RALGDS: variants seen among roughly 807,000 people sequenced by gnomAD.
The protein encoded by RALGDS is ral guanine nucleotide dissociation stimulator, also known as ral guanine nucleotide exchange factor.
In RALGDS, 44 loss-of-function variants were observed where a neutral mutation model predicts 99.8. The observed-to-expected ratio is 0.44, with a 90% CI of 0.35 to 0.57. The LOEUF (loss-of-function observed/expected upper bound fraction) is 0.57, where lower values mean the gene tolerates loss of function less well. Among genes scored for constraint, RALGDS ranks in the 20% least tolerant of loss-of-function variants. The pLI is 0.01. For missense variants in RALGDS, 1,022 were observed against 1,203.1 expected (o/e 0.85, Z 2.23); for synonymous variants, 529 against 505.0 (o/e 1.05, Z -0.64).
At chr9:133,133,524 A>C (rs938795085), upstream of RALGDS, among the ~76,000 whole-genome samples, 107 of 152,318 alleles carry the variant, frequency 7.0e-4, 1 homozygote, top group East Asian at 2.7e-3. Context: ...GCCTGGAACG[A>C]AGACTGCCAT....
In RALGDS at chr9:133,102,504, T is replaced by C; in HGVS notation, c.1981A>G (p.Asn661Asp). Residue 661 changes from asparagine (N) to aspartate (D), a missense_variant, in exon 14 of 18, where the codon AAC (asparagine) becomes GAC (aspartate). Physicochemically the swap from Asn to Asp is conservative, Grantham distance 23. Around this residue, in one of 3 missense-constraint regions of RALGDS, gnomAD observed 825 missense variants for 994.5 expected, o/e 0.83. Coordinates refer to ENST00000372050, the MANE Select transcript of RALGDS (RefSeq NM_006266.4). ...SASNTLRTKK[N>D]TAIVKRWSDR... Reference sequence around the variant, plus strand: ...CTCCAGCGCTTGACAATGGCTGTGTTCTTCTTGGTCCTGAGGGTGTTGCTG... The same window carrying C: ...CTCCAGCGCTTGACAATGGCTGTGTCCTTCTTGGTCCTGAGGGTGTTGCTG... The C allele has an allele frequency of 6.2e-7, 1 of 1,614,096 alleles. No individual in the cohort carries two copies.
intron 16 of RALGDS, chr9:133,100,590 T>C: frequency 1.4e-6 from 2 of 1,438,242 alleles, no homozygotes; most frequent in Non-Finnish European, 1.8e-6. Context: ...ATGTGAGGCC[T>C]CCATGGAATG....
Position 133,144,076 on chromosome 9 carries a change from G to C in RALGDS, c.18+4887C>G, listed in dbSNP as rs1270277069. ...GGTCTGGGGCTGGGGTTGGGGGGAAGGACCCCTCAAGTCTCTATCTGCACA... is the reference window on the plus strand; with the variant it reads ...GGTCTGGGGCTGGGGTTGGGGGGAACGACCCCTCAAGTCTCTATCTGCACA... On this transcript the variant is annotated intron_variant, in intron 1 of 17. Coordinates refer to the RALGDS transcript ENST00000393160. This position sits in a 1 kb window ranked among gnomAD's most constrained non-coding sequence, Gnocchi z 4.5. 6.6e-6 allele frequency among the ~76,000 whole-genome samples: 1 copy of C among 152,116 alleles called. No homozygotes were observed. Among genetic ancestry groups the C allele is most frequent in the African/African-American group, 2.4e-5 (1 of 41,420 alleles).
intron 10 of RALGDS, 25 bp downstream of exon 10, chr9:133,104,238 C>T (rs1830907676): frequency 6.2e-7 from 1 of 1,602,828 alleles, no homozygotes; most frequent in Non-Finnish European, 8.5e-7. Context: ...GCCCCCTGCC[C>T]CTCCGCGGCC....
At chr9:133,148,925 C>T (rs1454523619) in intron 1 of RALGDS, 1 of 1,598,592 alleles carries the variant, frequency 6.3e-7, no homozygotes, top group East Asian at 2.3e-5. Context: ...GGTCCTCCCT[C>T]CACCCGCGAC....
rs150965606 is a variant in RALGDS at position 133,115,173 on chromosome 9, C to T, written c.184-3021G>A. On this transcript the variant is annotated intron_variant, in intron 1 of 17. Coordinates refer to ENST00000372050, the MANE Select transcript of RALGDS (RefSeq NM_006266.4). ...CCTGCCATCTCCCCGCTCAGGCCAACGGCACCTCCTCCCAGCATCAGCCTT... is the reference window on the plus strand; with the variant it reads ...CCTGCCATCTCCCCGCTCAGGCCAATGGCACCTCCTCCCAGCATCAGCCTT... Among the ~76,000 whole-genome samples, 1,161 of 152,306 alleles carry T rather than the reference C, an allele frequency of 7.6e-3. 51 individuals carry two copies. Among genetic ancestry groups the T allele is most frequent in the Admixed American group, 0.067 (1,028 of 15,300 alleles).
At position 133,106,671 on chromosome 9, in the gene RALGDS, C is replaced by G. The variant is rs150406074; in HGVS notation, c.1491G>C (p.Leu497=). Reference sequence around the variant, plus strand: ...TGGAAACGTCTTCCCACGTCTTCTTCAGACGGTGGATGGAGTTGCTCTGCA... The same window carrying G: ...TGGAAACGTCTTCCCACGTCTTCTTGAGACGGTGGATGGAGTTGCTCTGCA... ...SALQSNSIHR[L]KKTWEDVSRD... The change falls in exon 8 of 18, where the codon CTG becomes CTC. Residue 497 remains leucine, a synonymous_variant. Transcript: ENST00000372050. 14 of 1,611,728 alleles carry G rather than the reference C, an allele frequency of 8.7e-6. No homozygotes were observed. Among genetic ancestry groups the G allele is most frequent in the Non-Finnish European group, 1.2e-5 (14 of 1,179,076 alleles).
Position 133,104,319 on chromosome 9 carries a change from TGGA to T in RALGDS, c.1612_1614del (p.Ser538del), listed in dbSNP as rs1830911181. On this transcript the variant is annotated inframe_deletion, in exon 10 of 18. Coordinates refer to ENST00000372050, the MANE Select transcript of RALGDS (RefSeq NM_006266.4). ...GGGTTCATCTCCAGGGTGGCAAACTTGGAGGTGCCCTCCTGCCAGGGTAGAGGA... is the reference window on the plus strand; with the variant it reads ...GGGTTCATCTCCAGGGTGGCAAACTTGGTGCCCTCCTGCCAGGGTAGAGGA... 6.2e-7 allele frequency: 1 copy of T among 1,613,362 alleles called. No individual in the cohort carries two copies. The highest frequency in any genetic ancestry group is 8.5e-7 in the Non-Finnish European group (1 of 1,179,450).
upstream of RALGDS, among the ~76,000 whole-genome samples, chr9:133,133,523 G>T (rs1020111475): frequency 6.6e-6 from 1 of 152,222 alleles, no homozygotes; most frequent in African/African-American, 2.4e-5. Context: ...TGCCTGGAAC[G>T]AAGACTGCCA....
At position 133,098,543 on chromosome 9, in the gene RALGDS, A is replaced by G. The variant is rs1346394861; in HGVS notation, c.*44T>C. 7 of 1,609,802 alleles carry G rather than the reference A, an allele frequency of 4.3e-6. No individual in the cohort carries two copies. The highest frequency in any genetic ancestry group is 1.3e-5 in the African/African-American group (1 of 74,860). ...CAGCTGGCCTGGGCCACTCTGGTCC[A>G]TAAGTGCTTGGCTACCAGCCAGCCA... On this transcript the variant is annotated 3_prime_UTR_variant, in exon 18 of 18. Transcript: ENST00000372050.
chr9:133,134,948 C>T (rs1347052937), upstream of RALGDS, among the ~76,000 whole-genome samples: 1 of 152,158 alleles, frequency 6.6e-6, no homozygotes, highest in African/African-American at 2.4e-5. Flanking sequence ...CAGGTTTGCG[C>T]TCCCAGTCAC....
At chr9:133,136,415 A>G (rs1832426838) in intron 1 of RALGDS, among the ~76,000 whole-genome samples, 1 of 152,162 alleles carries the variant, frequency 6.6e-6, no homozygotes, top group African/African-American at 2.4e-5. Flanking sequence ...AGGCAAGTGA[A>G]TCACTTGAGC....
chr9:133,109,767 G>A (rs759383789), intron 3 of RALGDS, 46 bp from the exon 4 acceptor site: 59 of 1,522,102 alleles, frequency 3.9e-5, no homozygotes, highest in Middle Eastern at 1.7e-4. Context: ...CGACTAGAAC[G>A]GAGGCCCAGG....
In RALGDS at chr9:133,144,041, CCT is replaced by C. The variant is rs1343820401; in HGVS notation, c.18+4920_18+4921del. 2.0e-5 allele frequency among the ~76,000 whole-genome samples: 3 copies of C among 152,076 alleles called. No homozygotes were observed. On this transcript the variant is annotated intron_variant, in intron 1 of 17. Transcript: ENST00000393160. The surrounding 1 kb of genome is among the most constrained non-coding windows in gnomAD (Gnocchi z 4.5). ...GGACCACCTCAGGCATCCCAGCTCC[CCT>C]GAGGCAGGGTCTGGGGCTGGGGTTG...
intron 1 of RALGDS, among the ~76,000 whole-genome samples, chr9:133,137,318 C>T (rs1209597659): frequency 6.6e-6 from 1 of 152,272 alleles, no homozygotes; most frequent in Admixed American, 6.5e-5. Flanking sequence ...AGAGCAGGGA[C>T]TCTGTTCCCC....
intron 1 of RALGDS, among the ~76,000 whole-genome samples, chr9:133,140,478 G>A (rs1350235921): frequency 6.6e-6 from 1 of 152,130 alleles, no homozygotes; most frequent in Non-Finnish European, 1.5e-5. Context: ...CTCTCGGGTG[G>A]TGTCCAGCAG....
chr9:133,118,471 A>G (rs143855029), intron 1 of RALGDS, among the ~76,000 whole-genome samples: 34 of 152,288 alleles, frequency 2.2e-4, no homozygotes, highest in African/African-American at 8.2e-4. Flanking sequence ...ACTCTGTGCA[A>G]TCTAATTCAC....
At chr9:133,110,222 C>T (rs1159237081) in intron 3 of RALGDS, 74 bp downstream of exon 3, 3 of 1,470,700 alleles carry the variant, frequency 2.0e-6, no homozygotes, top group African/African-American at 1.4e-5. Flanking sequence ...ATCAGCATTG[C>T]CAAGACCCGC....
At chr9:133,105,896 C>CCCCAGCCCCAGCCCCA (rs1564232288) in intron 9 of RALGDS, 36 bp downstream of exon 9, 5 of 64,464 alleles carry the variant, frequency 7.8e-5, no homozygotes, top group African/African-American at 2.9e-4. Flanking sequence ...CCCCAGCCCC[C>CCCCAGCCCCAGCCCCA]GCCCCAGCCC....
Sources: gnomAD v4.1 joint callset for allele counts (sites outside exome capture counted in the v4.1 genomes callset) on GRCh38, gnomAD v4.1.1 for gene constraint, gnomAD v4.1.1 regional missense constraint, Gnocchi (gnomAD v3.1) non-coding constraint, MANE v1.5 for transcripts, NCBI Gene and HGNC (gene_info 2026-07-23, HGNC 2026-07-21) for gene names.